The following UNC5C variants were observed in gnomAD, a reference collection of about 807,000 sequenced individuals.
UNC5C encodes the protein netrin receptor UNC5C.
UNC5C carries 47 observed loss-of-function variants against 99.8 expected under a neutral mutation model. The observed-to-expected ratio is 0.47, with a 90% CI of 0.37 to 0.60. The LOEUF (loss-of-function observed/expected upper bound fraction) is 0.60, where lower values mean the gene tolerates loss of function less well. UNC5C is among the 20% of genes least tolerant of loss of function. The probability of loss-of-function intolerance (pLI) is 0.00; values close to 1 mark genes in which losing one functional copy is unlikely to be tolerated. For missense variants in UNC5C, 1,062 were observed against 1,165.9 expected (o/e 0.91, Z 1.30); for synonymous variants, 487 against 452.2 (o/e 1.08, Z -0.98).
At chr4:95,271,895 T>A (rs951120592) in intron 4 of UNC5C, among the ~76,000 whole-genome samples, 2 of 152,218 alleles carry the variant, frequency 1.3e-5, no homozygotes, top group Admixed American at 1.3e-4. Flanking sequence ...CCTTGCTCAC[T>A]GGGTCTCAGA....
intron 12 of UNC5C, among the ~76,000 whole-genome samples, chr4:95,188,151 G>C (rs575336635): frequency 1.3e-5 from 2 of 152,012 alleles, no homozygotes; most frequent in Non-Finnish European, 2.9e-5. Flanking sequence ...ACTGGGCCTG[G>C]GGTGTGTAAA....
intron 14 of UNC5C, among the ~76,000 whole-genome samples, chr4:95,175,746 A>G (rs997644601): frequency 6.6e-6 from 1 of 151,624 alleles, no homozygotes; most frequent in African/African-American, 2.4e-5. Flanking sequence ...CTTGAGGAGT[A>G]TCTTTGTGGC....
intron 3 of UNC5C, among the ~76,000 whole-genome samples, chr4:95,283,622 G>A (rs2865423): frequency 0.66 from 100,580 of 152,152 alleles, 34,286 homozygotes; most frequent in African/African-American, 0.84. Context: ...AGTGAACACA[G>A]GGGTGACGAA....
intron 7 of UNC5C, among the ~76,000 whole-genome samples, chr4:95,224,377 G>A (rs532553489): frequency 9.4e-4 from 143 of 152,324 alleles, no homozygotes; most frequent in African/African-American, 3.0e-3. Context: ...TAGGTATCAC[G>A]TGGTCCGAAA....
intron 1 of UNC5C, among the ~76,000 whole-genome samples, chr4:95,489,041 C>T (rs78323892): frequency 0.015 from 1,849 of 123,558 alleles, 39 homozygotes; most frequent in African/African-American, 0.052. Flanking sequence ...GAGTATATTC[C>T]AAAAGAAGAC....
intron 1 of UNC5C, among the ~76,000 whole-genome samples, chr4:95,402,461 T>A (rs369265053): frequency 8.9e-4 from 135 of 152,346 alleles, no homozygotes; most frequent in African/African-American, 2.9e-3. Context: ...ATTTAAAAAG[T>A]GCTTAGCCTT....
At chr4:95,337,454 C>T (rs1005217103) in intron 1 of UNC5C, among the ~76,000 whole-genome samples, 11 of 151,924 alleles carry the variant, frequency 7.2e-5, no homozygotes, top group South Asian at 4.1e-4. Context: ...TTCATAGGCA[C>T]TAAAAATTGA....
intron 12 of UNC5C, among the ~76,000 whole-genome samples, chr4:95,200,869 C>T (rs1030174266): frequency 5.3e-5 from 8 of 152,012 alleles, no homozygotes; most frequent in African/African-American, 1.9e-4. Flanking sequence ...CTGTGCCCCC[C>T]CCAAATTCAT....
At chr4:95,351,659 G>A (rs999581246) in intron 1 of UNC5C, among the ~76,000 whole-genome samples, 6 of 151,328 alleles carry the variant, frequency 4.0e-5, no homozygotes, top group African/African-American at 1.5e-4. Context: ...AACTCCTACT[G>A]GGTTGACAGA....
In UNC5C at chr4:95,332,253, G is replaced by A. The variant is rs916911894; in HGVS notation, c.346+3157C>T. On this transcript the variant is annotated intron_variant, in intron 2 of 15. Coordinates refer to ENST00000453304, the MANE Select transcript of UNC5C (RefSeq NM_003728.4). ...TTCATATTGAACCAAAAAAGAGCCC[G>A]CATCGCCAAGTCAATCCTAAGCCAA... Among the ~76,000 whole-genome samples the A allele has an allele frequency of 1.2e-3, 189 of 151,570 alleles. 1 individual carries two copies. The highest frequency in any genetic ancestry group is 3.9e-3 in the African/African-American group (161 of 41,422).
chr4:95,314,129 G>A (rs563947515), intron 2 of UNC5C, among the ~76,000 whole-genome samples: 11 of 152,296 alleles, frequency 7.2e-5, no homozygotes, highest in Admixed American at 1.3e-4. Context: ...AAAGACTTAG[G>A]AGGGGAGAAG....
chr4:95,521,196 CTTCTT>C (rs1312235917), intron 1 of UNC5C, among the ~76,000 whole-genome samples: 1 of 130,268 alleles, frequency 7.7e-6, no homozygotes, highest in Non-Finnish European at 1.6e-5. Context: ...GTCTCTTCTT[CTTCTT>C]TTTTTTTTCT....
In UNC5C at chr4:95,169,352, A is replaced by G; in HGVS notation, c.2678T>C (p.Leu893Pro). The change falls in exon 16 of 16, where the codon CTG (leucine) becomes CCG (proline). Residue 893 changes from leucine to proline, a missense_variant. By Grantham distance (98) the Leu-to-Pro change is moderately conservative (BLOSUM62 -3). Coordinates refer to ENST00000453304, the MANE Select transcript of UNC5C (RefSeq NM_003728.4). ...GAAGTTCTGTGCTTCCCAAAGATCC[A>G]GGATTACGCCAGTTGGGCTGGATTT... ...ATKSSPTGVILDLWEAQNFPD... is the reference protein window; with the variant it reads ...ATKSSPTGVIPDLWEAQNFPD... 1 of 1,614,248 alleles carries G rather than the reference A, an allele frequency of 6.2e-7. No homozygotes were observed. Among genetic ancestry groups the G allele is most frequent in the Non-Finnish European group, 8.5e-7 (1 of 1,180,044 alleles).
At chr4:95,409,379 G>A (rs17438684) in intron 1 of UNC5C, among the ~76,000 whole-genome samples, 6,293 of 152,204 alleles carry the variant, frequency 0.041, 167 homozygotes, top group Middle Eastern at 0.071. Context: ...AAGGGACTCA[G>A]GATAAGGTTA....
chr4:95,405,461 C>A (rs1298596952), intron 1 of UNC5C, among the ~76,000 whole-genome samples: 1 of 152,196 alleles, frequency 6.6e-6, no homozygotes, highest in Non-Finnish European at 1.5e-5. Flanking sequence ...GTTATTCTAT[C>A]ATTCCAGTGA....
intron 1 of UNC5C, among the ~76,000 whole-genome samples, chr4:95,391,489 T>A (rs1745357760): frequency 6.6e-6 from 1 of 152,170 alleles, no homozygotes; most frequent in Admixed American, 6.5e-5. Flanking sequence ...TGCTGAATAA[T>A]TTTCATGTAT....
At chr4:95,460,694 G>C (rs1747575682) in intron 1 of UNC5C, among the ~76,000 whole-genome samples, 1 of 152,148 alleles carries the variant, frequency 6.6e-6, no homozygotes, top group Non-Finnish European at 1.5e-5. Context: ...AAATTACCCA[G>C]TCTCAGGTAT....
At chr4:95,236,673 T>C (rs1261880294) in intron 7 of UNC5C, among the ~76,000 whole-genome samples, 1 of 151,268 alleles carries the variant, frequency 6.6e-6, no homozygotes, top group Non-Finnish European at 1.5e-5. Flanking sequence ...CCCAGAAAAT[T>C]CATAAGTTTC....
chr4:95,514,599 G>C (rs1342746030), intron 1 of UNC5C, among the ~76,000 whole-genome samples: 1 of 149,894 alleles, frequency 6.7e-6, no homozygotes, highest in Non-Finnish European at 1.5e-5. Flanking sequence ...ACATTAGCCT[G>C]TGTGTTCTAT....
Sources: allele counts gnomAD v4.1 joint callset (sites outside exome capture counted in the v4.1 genomes callset), GRCh38; gene constraint gnomAD v4.1.1; transcripts MANE v1.5; gene names NCBI Gene and HGNC (gene_info 2026-07-23, HGNC 2026-07-21).